STOX2: variants seen among roughly 807,000 people sequenced by gnomAD.
STOX2 encodes storkhead-box protein 2.
A neutral mutation model predicts 60.9 loss-of-function variants in STOX2; 28 were observed. The observed-to-expected ratio is 0.46, with a 90% CI of 0.34 to 0.63. STOX2 has a LOEUF of 0.63. STOX2 is among the 30% of genes least tolerant of loss of function. The probability of loss-of-function intolerance (pLI) is 0.01; values close to 1 mark genes in which losing one functional copy is unlikely to be tolerated. For synonymous variants in STOX2, 472 were observed against 463.9 expected (o/e 1.02, Z -0.22); for missense variants, 1,024 against 1,187.7 (o/e 0.86, Z 2.03).
At chr4:183,835,824 A>G (rs1429143325) in intron 1 of STOX2, among the ~76,000 whole-genome samples, 2 of 152,164 alleles carry the variant, frequency 1.3e-5, no homozygotes, top group Non-Finnish European at 2.9e-5. Context: ...TGCAGCTACA[A>G]ACATTCCCTA....
chr4:183,844,183 T>C (rs1739933314), intron 1 of STOX2, among the ~76,000 whole-genome samples: 2 of 152,212 alleles, frequency 1.3e-5, no homozygotes, highest in African/African-American at 4.8e-5. Flanking sequence ...GATATGAGGA[T>C]GGCAGTCATT....
At chr4:183,830,167 C>T (rs1433460406) in intron 1 of STOX2, among the ~76,000 whole-genome samples, 4 of 152,184 alleles carry the variant, frequency 2.6e-5, no homozygotes, top group African/African-American at 9.7e-5. Flanking sequence ...TTCACATCCC[C>T]CCCAACAAGG....
At chr4:183,979,763 A>G (rs1732582165) in intron 1 of STOX2, among the ~76,000 whole-genome samples, 1 of 152,204 alleles carries the variant, frequency 6.6e-6, no homozygotes, top group Admixed American at 6.5e-5. Flanking sequence ...AAGACAAGGA[A>G]GGAAAAGATG....
intron 1 of STOX2, among the ~76,000 whole-genome samples, chr4:183,934,340 T>C (rs1281161336): frequency 1.3e-5 from 2 of 152,076 alleles, no homozygotes; most frequent in Non-Finnish European, 2.9e-5. Context: ...AATAAAGAGG[T>C]AAATGTTGTA....
At chr4:183,993,845 G>T (rs574503625) in intron 1 of STOX2, among the ~76,000 whole-genome samples, 1 of 152,156 alleles carries the variant, frequency 6.6e-6, no homozygotes, top group Non-Finnish European at 1.5e-5. Flanking sequence ...TGCTTAAAAC[G>T]CAGGAGCATG....
At chr4:183,971,194 TA>T (rs1489237871) in intron 1 of STOX2, among the ~76,000 whole-genome samples, 1 of 152,140 alleles carries the variant, frequency 6.6e-6, no homozygotes, top group Non-Finnish European at 1.5e-5. Context: ...CAGTTTGAAG[TA>T]AAAGTAGGAG....
At chr4:183,808,432 CTT>C (rs1465367773) in intron 1 of STOX2, among the ~76,000 whole-genome samples, 1 of 152,170 alleles carries the variant, frequency 6.6e-6, no homozygotes, top group Non-Finnish European at 1.5e-5. Context: ...GGGAAGCATC[CTT>C]TGTTTTTTGT....
intron 1 of STOX2, among the ~76,000 whole-genome samples, chr4:183,897,575 C>G (rs563108285): frequency 6.6e-6 from 1 of 152,324 alleles, no homozygotes; most frequent in East Asian, 1.9e-4. Context: ...CAACTTTATT[C>G]TGAACTCTTT....
intron 2 of STOX2, among the ~76,000 whole-genome samples, chr4:184,004,595 G>A (rs537207773): frequency 1.1e-4 from 13 of 118,312 alleles, no homozygotes; most frequent in African/African-American, 3.3e-4. Context: ...GCGAGACTCC[G>A]TTTCAAAAAC....
At chr4:183,941,658 A>G (rs1248665477) in intron 1 of STOX2, among the ~76,000 whole-genome samples, 1 of 152,234 alleles carries the variant, frequency 6.6e-6, no homozygotes, top group South Asian at 2.1e-4. Flanking sequence ...GATAGACAAC[A>G]TGGATACCAT....
chr4:183,839,025 A>G (rs569759639), intron 1 of STOX2, among the ~76,000 whole-genome samples: 155 of 149,562 alleles, frequency 1.0e-3, no homozygotes, highest in East Asian at 5.3e-3. Flanking sequence ...GCGCGCGCGC[A>G]CACACACACA....
At chr4:183,913,642 G>T (rs762317913) in intron 1 of STOX2, among the ~76,000 whole-genome samples, 1 of 152,116 alleles carries the variant, frequency 6.6e-6, no homozygotes, top group Non-Finnish European at 1.5e-5. Context: ...ATGGTGGCGC[G>T]TGCCTGTAAT....
chr4:183,957,041 T>A (rs1232287917), intron 1 of STOX2, among the ~76,000 whole-genome samples: 1 of 147,598 alleles, frequency 6.8e-6, no homozygotes, highest in Non-Finnish European at 1.5e-5. Context: ...CATTAGGAGA[T>A]ATACCTAATG....
chr4:183,922,377 C>T (rs1434709846), intron 1 of STOX2, among the ~76,000 whole-genome samples: 4 of 148,290 alleles, frequency 2.7e-5, no homozygotes, highest in Non-Finnish European at 3.0e-5. Context: ...GATGGAGTCT[C>T]GCTCTGTCGC....
Position 183,942,305 on chromosome 4 carries a change from TTA to T in STOX2, c.166+35363_166+35364del, listed in dbSNP as rs144198280. Reference sequence around the variant, plus strand: ...TTGTAAATTATCTTACACATTTGCATTATATATATATATATGTGCCAGGCTTC... The same window carrying T: ...TTGTAAATTATCTTACACATTTGCATTATATATATATATGTGCCAGGCTTC... On this transcript the variant is annotated intron_variant, in intron 1 of 3. Coordinates refer to ENST00000308497, the MANE Select transcript of STOX2 (RefSeq NM_020225.3). 9.4e-5 allele frequency among the ~76,000 whole-genome samples: 14 copies of T among 149,294 alleles called. No homozygotes were observed. The South Asian group carries it at 1.1e-3, about 11-fold the overall frequency.
intron 1 of STOX2, among the ~76,000 whole-genome samples, chr4:183,874,994 A>ATATATAT (rs1560857959): frequency 1.0e-5 from 1 of 99,730 alleles, no homozygotes; most frequent in African/African-American, 3.6e-5. Context: ...TATATATATA[A>ATATATAT]AACTTAGAAT....
intron 1 of STOX2, among the ~76,000 whole-genome samples, chr4:183,971,424 A>G (rs2111175868): frequency 6.6e-6 from 1 of 152,308 alleles, no homozygotes; most frequent in South Asian, 2.1e-4. Context: ...CTGTCTCCTG[A>G]TCCACCTAAC....
rs1001512990 is a variant in STOX2 at position 183,836,535 on chromosome 4, G to A, written c.364+38480G>A. On this transcript the variant is annotated intron_variant, in intron 1 of 2. Coordinates refer to the STOX2 transcript ENST00000513034. This position sits in a 1 kb window ranked among gnomAD's most constrained non-coding sequence, Gnocchi z 4.1. ...TTTCTATGAATGTGAACAATGTGAG[G>A]GGACTCAGGGGCTTTTTGATGCCTC... is the stretch of plus-strand genomic sequence containing the variant. Among the ~76,000 whole-genome samples the A allele has an allele frequency of 2.0e-5, 3 of 152,186 alleles. No individual in the cohort carries two copies. The highest frequency in any genetic ancestry group is 4.4e-5 in the Non-Finnish European group (3 of 68,028).
At chr4:183,959,952 G>GA (rs929613668) in intron 1 of STOX2, among the ~76,000 whole-genome samples, 88 of 149,292 alleles carry the variant, frequency 5.9e-4, no homozygotes, top group Admixed American at 1.9e-3. Context: ...AGCTCCATTG[G>GA]AAAAAAAAAT....
Sources: gnomAD v4.1 joint callset for allele counts (sites outside exome capture counted in the v4.1 genomes callset) on GRCh38, gnomAD v4.1.1 for gene constraint, Gnocchi (gnomAD v3.1) non-coding constraint, MANE v1.5 for transcripts, NCBI Gene and HGNC (gene_info 2026-07-23, HGNC 2026-07-21) for gene names.